Variants in GPC5 observed in about 807,000 individuals in gnomAD.
GPC5 encodes the protein glypican 5, also known as glypican-5.
A neutral mutation model predicts 53.9 loss-of-function variants in GPC5; 47 were observed. The observed-to-expected ratio is 0.87, with a 90% CI of 0.69 to 1.11. The LOEUF (loss-of-function observed/expected upper bound fraction) is 1.11. Among genes scored for constraint, GPC5 ranks in the 50% most tolerant of loss-of-function variants. The pLI, the probability that GPC5 is intolerant of heterozygous loss-of-function variation, is 0.00. For missense variants in GPC5, 748 were observed against 713.1 expected, an observed-to-expected ratio of 1.05 and a Z score of -0.56; for synonymous variants, 286 against 263.3, an observed-to-expected ratio of 1.09 and a Z score of -0.84.
At chr13:91,963,809 T>A (rs1458651874) in intron 6 of GPC5, among the ~76,000 whole-genome samples, 4 of 152,186 alleles carry the variant, frequency 2.6e-5, no homozygotes, top group Admixed American at 2.6e-4. Flanking sequence ...CTCATACCAC[T>A]GCACCTGTGG....
At chr13:92,537,498 T>C (rs1204693430) in intron 7 of GPC5, among the ~76,000 whole-genome samples, 5 of 152,146 alleles carry the variant, frequency 3.3e-5, no homozygotes, top group African/African-American at 4.8e-5. Flanking sequence ...CACAGGCTTA[T>C]CTGAATTCTT....
intron 2 of GPC5, among the ~76,000 whole-genome samples, chr13:91,529,189 T>G (rs765539657): frequency 2.0e-5 from 3 of 152,246 alleles, no homozygotes; most frequent in Non-Finnish European, 4.4e-5. Context: ...ACACCTTAGA[T>G]ATTTGCACAC....
intron 7 of GPC5, among the ~76,000 whole-genome samples, chr13:92,375,747 G>A (rs1309392970): frequency 1.3e-5 from 2 of 152,196 alleles, no homozygotes; most frequent in African/African-American, 2.4e-5. Flanking sequence ...GCAGAATTTT[G>A]TCTTCTTTCT....
chr13:92,299,746 G>A (rs1388709283), intron 7 of GPC5, among the ~76,000 whole-genome samples: 1 of 152,088 alleles, frequency 6.6e-6, no homozygotes, highest in Non-Finnish European at 1.5e-5. Context: ...ATCTAAAATT[G>A]TGTACATTTA....
chr13:91,426,801 G>A (rs1321443306), intron 1 of GPC5, among the ~76,000 whole-genome samples: 1 of 152,064 alleles, frequency 6.6e-6, no homozygotes, highest in Non-Finnish European at 1.5e-5. Context: ...GTCTCTCCTA[G>A]TCCACTGATT....
chr13:91,976,143 G>T (rs1439101342), intron 6 of GPC5, among the ~76,000 whole-genome samples: 2 of 152,160 alleles, frequency 1.3e-5, no homozygotes, highest in African/African-American at 4.8e-5. Flanking sequence ...AGGGGGAAGG[G>T]ATAGCATTAG....
intron 7 of GPC5, among the ~76,000 whole-genome samples, chr13:92,837,032 T>C (rs1033394016): frequency 2.6e-5 from 4 of 152,090 alleles, no homozygotes; most frequent in African/African-American, 7.2e-5. Context: ...GAAATTCATA[T>C]ACCTAGGCAC....
chr13:92,565,334 T>C (rs1001097543), intron 7 of GPC5, among the ~76,000 whole-genome samples: 2 of 152,120 alleles, frequency 1.3e-5, no homozygotes, highest in African/African-American at 4.8e-5. Flanking sequence ...TTTTTATTTC[T>C]TTTCTTAAAG....
chr13:91,518,333 C>T (rs571643477), intron 2 of GPC5, among the ~76,000 whole-genome samples: 7 of 151,872 alleles, frequency 4.6e-5, no homozygotes, highest in African/African-American at 1.2e-4. Context: ...TGCGTTCCAG[C>T]GTGGGCAACA....
At chr13:92,303,696 C>A (rs760477669) in intron 7 of GPC5, among the ~76,000 whole-genome samples, 2 of 152,108 alleles carry the variant, frequency 1.3e-5, no homozygotes, top group African/African-American at 4.8e-5. Flanking sequence ...GGATGTGAAG[C>A]CTTACCAAGG....
intron 2 of GPC5, among the ~76,000 whole-genome samples, chr13:91,656,181 G>A (rs1346006887): frequency 1.3e-5 from 2 of 152,136 alleles, no homozygotes; most frequent in Non-Finnish European, 2.9e-5. Context: ...AGGCAGCGTG[G>A]AGTAATTAAG....
Position 92,281,494 on chromosome 13 carries a change from C to A in GPC5, c.1561+136505C>A, listed in dbSNP as rs747716378. ...CCGAGTAGCCTAACTGGGAGGTACACCCCAGTAGGGGGAGACTGACACCTC... is the reference window on the plus strand; with the variant it reads ...CCGAGTAGCCTAACTGGGAGGTACAACCCAGTAGGGGGAGACTGACACCTC... On this transcript the variant is annotated intron_variant, in intron 7 of 7. Transcript: ENST00000377067. 3.9e-4 allele frequency among the ~76,000 whole-genome samples: 59 copies of A among 152,218 alleles called. 1 individual carries two copies. Among genetic ancestry groups the A allele is most frequent in the Non-Finnish European group, 7.3e-4 (50 of 68,040 alleles).
At chr13:92,355,610 CTAAAA>C (rs2043514982) in intron 7 of GPC5, among the ~76,000 whole-genome samples, 2 of 152,126 alleles carry the variant, frequency 1.3e-5, no homozygotes. Context: ...GTATTTCTCT[CTAAAA>C]TAATTTATAT....
At chr13:92,422,517 C>T (rs2139364020) in intron 7 of GPC5, among the ~76,000 whole-genome samples, 1 of 113,996 alleles carries the variant, frequency 8.8e-6, no homozygotes, top group East Asian at 2.2e-4. Flanking sequence ...CACACACACA[C>T]ACACACACAC....
At chr13:91,406,583 T>C (rs908864204) in intron 1 of GPC5, among the ~76,000 whole-genome samples, 1 of 152,204 alleles carries the variant, frequency 6.6e-6, no homozygotes, top group Non-Finnish European at 1.5e-5. Context: ...ATAGATAAAG[T>C]AAACTCTGGG....
At chr13:92,214,486 A>G (rs1475423889) in intron 7 of GPC5, among the ~76,000 whole-genome samples, 3 of 152,148 alleles carry the variant, frequency 2.0e-5, no homozygotes, top group Admixed American at 2.0e-4. Flanking sequence ...ATAATTTACT[A>G]TTAACTCCTT....
intron 7 of GPC5, among the ~76,000 whole-genome samples, chr13:92,703,347 G>A (rs1276415372): frequency 6.6e-6 from 1 of 151,400 alleles, no homozygotes; most frequent in South Asian, 2.1e-4. Context: ...TTAACTGTAG[G>A]AGATATGATA....
At chr13:92,752,444 T>TA (rs919385982) in intron 7 of GPC5, among the ~76,000 whole-genome samples, 6 of 152,116 alleles carry the variant, frequency 3.9e-5, no homozygotes, top group African/African-American at 1.4e-4. Flanking sequence ...GTTGTAAAGG[T>TA]AAAAAAGAGT....
At chr13:91,801,277 GTGT>G in intron 5 of GPC5, among the ~76,000 whole-genome samples, 2 of 151,786 alleles carry the variant, frequency 1.3e-5, no homozygotes, top group Admixed American at 6.6e-5. Flanking sequence ...GTGTGTGTGT[GTGT>G]GTGTGTGTGT....
Sources: allele counts gnomAD v4.1 joint callset (sites outside exome capture counted in the v4.1 genomes callset), GRCh38; gene constraint gnomAD v4.1.1; transcripts MANE v1.5; gene names NCBI Gene and HGNC (gene_info 2026-07-23, HGNC 2026-07-21).